Variants in DNAJC3 observed in about 807,000 individuals in gnomAD.
DNAJC3 encodes dnaJ homolog subfamily C member 3.
Under a neutral mutation model 68.6 loss-of-function variants are expected in DNAJC3, and 38 were observed. The ratio of observed to expected loss-of-function variants is 0.55; its 90% CI spans 0.43 to 0.73. DNAJC3 has a LOEUF of 0.73. Ranked by LOEUF, DNAJC3 falls within the 30% of genes least tolerant of loss-of-function variation. DNAJC3 has a pLI of 0.00. For missense variants in DNAJC3, 526 were observed against 591.9 expected (o/e 0.89, Z 1.16); for synonymous variants, 203 against 204.0 (o/e 1.00, Z 0.04).
intron 1 of DNAJC3, among the ~76,000 whole-genome samples, chr13:95,699,622 G>A (rs780031624): frequency 6.6e-6 from 1 of 152,164 alleles, no homozygotes; most frequent in Non-Finnish European, 1.5e-5. Context: ...CTTTGGAAAT[G>A]GATCTTGTTT....
At chr13:95,690,391 A>G (rs1221960575) in intron 1 of DNAJC3, among the ~76,000 whole-genome samples, 1 of 151,752 alleles carries the variant, frequency 6.6e-6, no homozygotes, top group Non-Finnish European at 1.5e-5. Context: ...ACTTCTTTCT[A>G]CACAGACACG....
chr13:95,741,175 T>G (rs572248833), intron 4 of DNAJC3, among the ~76,000 whole-genome samples: 1 of 152,360 alleles, frequency 6.6e-6, no homozygotes, highest in South Asian at 2.1e-4. Context: ...CTGTTAATAA[T>G]GTAACTGTCA....
chr13:95,706,664 C>T (rs1438329955), intron 1 of DNAJC3, among the ~76,000 whole-genome samples: 3 of 152,112 alleles, frequency 2.0e-5, no homozygotes, highest in African/African-American at 4.8e-5. Context: ...AGAGTCATCT[C>T]CTCAGACAAG....
At chr13:95,720,388 C>T (rs1438612750) in intron 2 of DNAJC3, among the ~76,000 whole-genome samples, 1 of 152,084 alleles carries the variant, frequency 6.6e-6, no homozygotes, top group African/African-American at 2.4e-5. Context: ...TATTGTGAAA[C>T]ATTTTGGAAT....
At chr13:95,707,726 A>G (rs1566475942) in intron 1 of DNAJC3, among the ~76,000 whole-genome samples, 1 of 152,218 alleles carries the variant, frequency 6.6e-6, no homozygotes, top group Non-Finnish European at 1.5e-5. Context: ...GAGAGTAACT[A>G]AAGATGTAAA....
chr13:95,710,657 T>A (rs762311005), intron 2 of DNAJC3, among the ~76,000 whole-genome samples: 4 of 151,342 alleles, frequency 2.6e-5, no homozygotes, highest in Non-Finnish European at 4.4e-5. Flanking sequence ...CAACCGAGGG[T>A]GGTGTTTTGT....
At chr13:95,790,067 C>G in intron 11 of DNAJC3, among the ~76,000 whole-genome samples, 1 of 152,134 alleles carries the variant, frequency 6.6e-6, no homozygotes, top group Non-Finnish European at 1.5e-5. Context: ...TCTGTTTACT[C>G]TGTTGATAGT....
chr13:95,747,351 A>G (rs1007573626), intron 4 of DNAJC3, among the ~76,000 whole-genome samples: 3 of 152,214 alleles, frequency 2.0e-5, no homozygotes, highest in African/African-American at 7.2e-5. Flanking sequence ...GGATTCAAGA[A>G]GGGCATTCCT....
intron 2 of DNAJC3, among the ~76,000 whole-genome samples, chr13:95,715,350 C>G (rs1881102271): frequency 6.6e-6 from 1 of 152,202 alleles, no homozygotes; most frequent in Admixed American, 6.5e-5. Flanking sequence ...AGGCAGTGAG[C>G]TGATGGTGCC....
At position 95,722,815 on chromosome 13, in the gene DNAJC3, GCCCCCCCCCCCCCCCCC is replaced by G. The variant is rs759729876; in HGVS notation, c.194-419_194-403del. Among the ~76,000 whole-genome samples the G allele has an allele frequency of 1.6e-3, 24 of 15,336 alleles. 5 individuals are homozygous for G. Among genetic ancestry groups the G allele is most frequent in the East Asian group, 7.6e-3 (4 of 528 alleles). 10.1% of individuals were successfully genotyped at this position (15,336 alleles called of 152,430 possible). On this transcript the variant is annotated intron_variant, in intron 2 of 11. Transcript: ENST00000602402. Reference sequence around the variant, plus strand: ...AACCTGGGTGACAGACACCTTGTCCGCCCCCCCCCCCCCCCCCCCCCCCCGCCGAAAAAGGTTATAAG... The same window carrying G: ...AACCTGGGTGACAGACACCTTGTCCGCCCCCCCGCCGAAAAAGGTTATAAG...
intron 1 of DNAJC3, 54 bp downstream of exon 1, chr13:95,677,391 C>T (rs1879786645): frequency 6.6e-7 from 1 of 1,516,238 alleles, no homozygotes; most frequent in Non-Finnish European, 8.9e-7. Flanking sequence ...AGGCCCCCCG[C>T]GCTTTCCCGT....
At chr13:95,738,668 T>C (rs1882017484) in intron 4 of DNAJC3, among the ~76,000 whole-genome samples, 1 of 152,196 alleles carries the variant, frequency 6.6e-6, no homozygotes, top group Non-Finnish European at 1.5e-5. Context: ...TTGTTTTCCA[T>C]TGGCTTGGTA....
At chr13:95,736,236 A>T (rs1881913118) in intron 4 of DNAJC3, among the ~76,000 whole-genome samples, 1 of 152,132 alleles carries the variant, frequency 6.6e-6, no homozygotes, top group African/African-American at 2.4e-5. Context: ...CTTGTAGTAT[A>T]GTTTGAAGTC....
intron 1 of DNAJC3, chr13:95,693,560 A>G (rs935674925): frequency 6.6e-6 from 1 of 150,926 alleles, no homozygotes; most frequent in Non-Finnish European, 1.5e-5. Context: ...TTCCCCCCAG[A>G]CAACAGTACC....
intron 9 of DNAJC3, among the ~76,000 whole-genome samples, chr13:95,778,896 T>C (rs1196821297): frequency 6.6e-6 from 1 of 152,166 alleles, no homozygotes; most frequent in East Asian, 1.9e-4. Flanking sequence ...ATTATAATTT[T>C]GTATGCCAAT....
At chr13:95,682,370 C>T (rs564666039) in intron 1 of DNAJC3, among the ~76,000 whole-genome samples, 2 of 152,164 alleles carry the variant, frequency 1.3e-5, no homozygotes, top group South Asian at 2.1e-4. Context: ...GGTCTGCCAC[C>T]GCCTTTGCTT....
chr13:95,690,795 C>T (rs1880217657), intron 1 of DNAJC3, among the ~76,000 whole-genome samples: 1 of 134,054 alleles, frequency 7.5e-6, no homozygotes, highest in Non-Finnish European at 1.6e-5. Flanking sequence ...GGGGGGCTGA[C>T]CCCCCCACCT....
At chr13:95,689,372 C>G (rs1880167306) in intron 1 of DNAJC3, among the ~76,000 whole-genome samples, 1 of 151,416 alleles carries the variant, frequency 6.6e-6, no homozygotes, top group African/African-American at 2.4e-5. Context: ...TCTAAGTTTT[C>G]TATCTAGTTT....
At chr13:95,688,890 C>A (rs987855913) in intron 1 of DNAJC3, among the ~76,000 whole-genome samples, 8 of 151,256 alleles carry the variant, frequency 5.3e-5, no homozygotes, top group Middle Eastern at 3.4e-3. Flanking sequence ...GTTGAACCAT[C>A]CTTGCATCCC....
Sources: allele counts gnomAD v4.1 joint callset (sites outside exome capture counted in the v4.1 genomes callset), GRCh38; gene constraint gnomAD v4.1.1; transcripts MANE v1.5; gene names NCBI Gene and HGNC (gene_info 2026-07-23, HGNC 2026-07-21).